Variants in GALNS observed in about 807,000 individuals in gnomAD.
GALNS encodes the protein galactosamine (N-acetyl)-6-sulfatase, also known as N-acetylgalactosamine-6-sulfatase.
Under a neutral mutation model 65.9 loss-of-function variants are expected in GALNS, and 65 were observed. That is an observed-to-expected ratio of 0.99 (90% CI 0.81 to 1.21). The LOEUF is 1.21. GALNS is among the 50% of genes most tolerant of loss of function. GALNS has a pLI of 0.00. For missense variants in GALNS, 776 were observed against 700.7 expected (o/e 1.11, Z -1.21); for synonymous variants, 346 against 288.9 (o/e 1.20, Z -2.00).
At position 88,832,038 on chromosome 16, in the gene GALNS, G is replaced by A; in HGVS notation, c.962C>T (p.Pro321Leu). 2 of 1,613,856 alleles carry A rather than the reference G, an allele frequency of 1.2e-6. No individual in the cohort carries two copies. The highest frequency in any genetic ancestry group is 1.7e-6 in the Non-Finnish European group (2 of 1,179,918). The change falls in exon 9 of 14, where the codon CCT (proline) becomes CTT (leucine). Residue 321 changes from proline to leucine, a missense_variant. Coordinates refer to ENST00000268695, the MANE Select transcript of GALNS (RefSeq NM_000512.5). ...GTGCCCTGGCCACCATGCGAGGGCA[G>A]GCTCCCTCATCCCTCCTTCAAACGT... is the stretch of plus-strand genomic sequence containing the variant. Reference protein sequence around the residue: ...QTTFEGGMREPALAWWPGHVT... With the variant: ...QTTFEGGMRELALAWWPGHVT...
intron 13 of GALNS, among the ~76,000 whole-genome samples, chr16:88,817,679 G>A (rs905231453): frequency 7.9e-5 from 12 of 152,218 alleles, no homozygotes; most frequent in African/African-American, 2.7e-4. Context: ...CCTCTCACGC[G>A]CCCTGCTGTC....
At chr16:88,815,555 C>G (rs560865382) in intron 13 of GALNS, 136 of 985,468 alleles carry the variant, frequency 1.4e-4, no homozygotes, top group Non-Finnish European at 1.5e-4. Context: ...GAAAGGGAGA[C>G]TTATGCCGCT....
At chr16:88,856,079 G>A in intron 1 of GALNS, 1 of 672,902 alleles carries the variant, frequency 1.5e-6, no homozygotes. Flanking sequence ...TCATTCCTGA[G>A]TCTCCAGGTG....
rs548501600 is a variant in GALNS, at chr16:88,815,279, G to A, written c.1483-754C>T. The A allele has an allele frequency of 1.3e-5, 13 of 985,474 alleles. No individual in the cohort carries two copies. The East Asian group carries it at 3.4e-4, about 26-fold the overall frequency. The allele number at this position is 985,474 out of a possible 1,614,324, so 61.0% of individuals were successfully genotyped here. On this transcript the variant is annotated intron_variant, in intron 13 of 13. Transcript: ENST00000268695. ...AGCTGCCAAGTGGCTGAGGGCCTCC[G>A]AGGGCCAGCAGTGTTAGAAAGGGCA...
At position 88,842,837 on chromosome 16, in the gene GALNS, G is replaced by A. The variant is rs1254106649; in HGVS notation, c.121-8C>T. 3 of 1,612,936 alleles carry A rather than the reference G, an allele frequency of 1.9e-6. No homozygotes were observed. The highest frequency in any genetic ancestry group is 2.7e-5 in the African/African-American group (2 of 74,940). On this transcript the variant is annotated splice_region_variant and splice_polypyrimidine_tract_variant and intron_variant, in intron 1 of 13. Transcript: ENST00000268695. ...GAGGTCACCCCATCCCATCTGCAGGGAAGAGCACGGGGAGGAGGAATGAGC... is the reference window on the plus strand; with the variant it reads ...GAGGTCACCCCATCCCATCTGCAGGAAAGAGCACGGGGAGGAGGAATGAGC...
At chr16:88,851,293 C>T (rs190807803) in intron 1 of GALNS, among the ~76,000 whole-genome samples, 16 of 152,270 alleles carry the variant, frequency 1.1e-4, no homozygotes, top group Non-Finnish European at 2.9e-5. Context: ...GAGGGAGGAT[C>T]GCTTGAGCTC....
intron 5 of GALNS, among the ~76,000 whole-genome samples, chr16:88,837,227 C>G (rs1912234137): frequency 6.6e-6 from 1 of 152,150 alleles, no homozygotes; most frequent in East Asian, 1.9e-4. Flanking sequence ...TGGTGTGGCT[C>G]CCAGTGGGGG....
At chr16:88,826,305 G>A (rs910463312) in intron 10 of GALNS, among the ~76,000 whole-genome samples, 4 of 148,936 alleles carry the variant, frequency 2.7e-5, no homozygotes, top group Non-Finnish European at 4.5e-5. Flanking sequence ...GGACAGGGGC[G>A]GCGTGTGTCT....
At chr16:88,833,594 G>A (rs779722672) in intron 8 of GALNS, among the ~76,000 whole-genome samples, 33 of 152,162 alleles carry the variant, frequency 2.2e-4, no homozygotes, top group Non-Finnish European at 4.6e-4. Context: ...TGGGACTACA[G>A]GTGCCCGCCA....
chr16:88,820,427 C>A (rs1428060259), intron 12 of GALNS, among the ~76,000 whole-genome samples: 2 of 152,252 alleles, frequency 1.3e-5, no homozygotes, highest in African/African-American at 4.8e-5. Flanking sequence ...TGGCGACCGG[C>A]CACCCGTCTT....
intron 1 of GALNS, among the ~76,000 whole-genome samples, chr16:88,848,660 G>A (rs963850199): frequency 6.6e-6 from 1 of 152,110 alleles, no homozygotes; most frequent in South Asian, 2.1e-4. Context: ...GGGCCGGTGG[G>A]CGTTTGACTC....
chr16:88,839,161 C>T (rs923403806), intron 4 of GALNS, among the ~76,000 whole-genome samples: 12 of 151,170 alleles, frequency 7.9e-5, no homozygotes, highest in Admixed American at 4.6e-4. Context: ...CGCCCACGTC[C>T]GCTGGTCACC....
intron 9 of GALNS, among the ~76,000 whole-genome samples, chr16:88,827,593 T>A (rs1280313138): frequency 6.6e-6 from 1 of 152,182 alleles, no homozygotes; most frequent in African/African-American, 2.4e-5. Context: ...ATTACAGGTA[T>A]GTGTCACTAC....
rs886052452 is a variant in GALNS at position 88,814,232 on chromosome 16, C to A, written c.*207G>T. The A allele has an allele frequency of 1.0e-5, 7 of 677,472 alleles. No individual in the cohort carries two copies. The highest frequency in any genetic ancestry group is 1.8e-5 in the Non-Finnish European group (7 of 392,312). The allele number at this position is 677,472 out of a possible 1,614,324, so 42.0% of individuals were successfully genotyped here. A position where few individuals can be genotyped will look rare whatever the true frequency, so the allele number is the denominator to read the frequency against. ...TGGGCGAGGAGGAGGGTCCTGAAAT[C>A]TGAGGCGCCGTGGGCGAGGAGGAGG... On this transcript the variant is annotated 3_prime_UTR_variant, in exon 14 of 14. Coordinates refer to ENST00000268695, the MANE Select transcript of GALNS (RefSeq NM_000512.5).
Position 88,856,893 on chromosome 16 carries a change from C to G in GALNS, c.-16G>C, listed in dbSNP as rs1477635354. The G allele has an allele frequency of 6.7e-7, 1 of 1,502,028 alleles. No homozygotes were observed. Among genetic ancestry groups the G allele is most frequent in the East Asian group, 2.7e-5 (1 of 36,408 alleles). The allele number at this position is 1,502,028 out of a possible 1,614,324, so 93.0% of individuals were successfully genotyped here. A position where few individuals can be genotyped will look rare whatever the true frequency, so the allele number is the denominator to read the frequency against. The stretch of plus-strand genomic sequence containing the variant: ...CCGCCGCCATGGCAACCACGGGAGC[C>G]GCGGAGCCCCGGCCAGCGAGCCGAC... On this transcript the variant is annotated 5_prime_UTR_variant, in exon 1 of 14. Coordinates refer to ENST00000268695, the MANE Select transcript of GALNS (RefSeq NM_000512.5).
intron 11 of GALNS, among the ~76,000 whole-genome samples, chr16:88,823,502 G>A (rs1254363549): frequency 3.3e-5 from 5 of 149,712 alleles, no homozygotes; most frequent in East Asian, 2.0e-4. Context: ...GCCGGGGACC[G>A]ATGCCCAGGA....
At position 88,818,064 on chromosome 16, in the gene GALNS, G is replaced by A. The variant is rs1377361137; in HGVS notation, c.1425C>T (p.His475=). 1.3e-6 allele frequency: 2 copies of A among 1,577,986 alleles called. No homozygotes were observed. The highest frequency in any genetic ancestry group is 2.7e-5 in the African/African-American group (2 of 74,658). Residue 475 remains histidine, a synonymous_variant, in exon 13 of 14, where the codon CAC becomes CAT. Coordinates refer to ENST00000268695, the MANE Select transcript of GALNS (RefSeq NM_000512.5). ...LSRITSVVQQ[H]QEALVPAQPQ... ...GCTGCGCGGGGACCAAGGCCTCCTG[G>A]TGCTGCTGGACGACCGAGGTGATCC...
chr16:88,850,077 T>G (rs951562883), intron 1 of GALNS, among the ~76,000 whole-genome samples: 2 of 152,200 alleles, frequency 1.3e-5, no homozygotes, highest in African/African-American at 2.4e-5. Flanking sequence ...GAGTGCAGAT[T>G]CATCCTCTCA....
chr16:88,835,187 C>T (rs1033325062), intron 8 of GALNS, 26 bp downstream of exon 8: 36 of 1,560,334 alleles, frequency 2.3e-5, no homozygotes, highest in African/African-American at 5.4e-5. Context: ...GTGGGGAAAC[C>T]GTGAGAAGTG....
Sources: gnomAD v4.1 joint callset for allele counts (sites outside exome capture counted in the v4.1 genomes callset) on GRCh38, gnomAD v4.1.1 for gene constraint, MANE v1.5 for transcripts, NCBI Gene and HGNC (gene_info 2026-07-23, HGNC 2026-07-21) for gene names.